IRF8: variants seen among roughly 807,000 people sequenced by gnomAD.
The protein encoded by IRF8 is interferon regulatory factor 8, also known as interferon consensus sequence binding protein 1.
IRF8 carries 14 observed loss-of-function variants against 48.7 expected under a neutral mutation model. That is an observed-to-expected ratio of 0.29 (90% CI 0.19 to 0.45). The LOEUF (loss-of-function observed/expected upper bound fraction) is 0.45, where lower values mean the gene tolerates loss of function less well. IRF8 is among the 20% of genes least tolerant of loss of function. The pLI is 1.00. For missense variants in IRF8, 493 were observed against 580.7 expected (o/e 0.85, Z 1.55); for synonymous variants, 278 against 227.3 (o/e 1.22, Z -2.01).
intron 2 of IRF8, among the ~76,000 whole-genome samples, chr16:85,906,206 G>A (rs1472245171): frequency 6.6e-6 from 1 of 152,164 alleles, no homozygotes; most frequent in Non-Finnish European, 1.5e-5. Context: ...TTAAAAAAAT[G>A]CAACATGAAA....
Position 85,918,465 on chromosome 16 carries a change from G to A in IRF8, c.650G>A (p.Gly217Asp). 6.3e-7 allele frequency: 1 copy of A among 1,590,840 alleles called. No homozygotes were observed. The highest frequency in any genetic ancestry group is 2.2e-5 in the East Asian group (1 of 44,718). ...TTCTACTATGGGGGCAAGCTGGTGG[G>A]CCAGGCCACCACCACCTGCCCCGAG... ...ISFYYGGKLV[G>D]QATTTCPEGC... Residue 217 changes from glycine to aspartate, a missense_variant, in exon 7 of 9, where the codon GGC becomes GAC. Coordinates refer to ENST00000268638, the MANE Select transcript of IRF8 (RefSeq NM_002163.4).
chr16:85,919,560 C>G (rs1412789018), intron 7 of IRF8, among the ~76,000 whole-genome samples: 1 of 152,214 alleles, frequency 6.6e-6, no homozygotes, highest in Non-Finnish European at 1.5e-5. Context: ...GCGGTTATCA[C>G]CCCTGAGCAG....
intron 1 of IRF8, chr16:85,901,071 C>T (rs1367689968): frequency 6.6e-6 from 1 of 152,292 alleles, no homozygotes; most frequent in Admixed American, 6.5e-5. Context: ...ATTTTTCTAC[C>T]TTGCCCCAGG....
chr16:85,900,827 C>G (rs940544001), intron 1 of IRF8: 4 of 152,174 alleles, frequency 2.6e-5, no homozygotes, highest in Non-Finnish European at 5.9e-5. Context: ...TTGTCCTGAA[C>G]AGTTTAGATG....
chr16:85,910,848 G>T (rs1319286097), intron 3 of IRF8, among the ~76,000 whole-genome samples: 4 of 152,232 alleles, frequency 2.6e-5, no homozygotes, highest in African/African-American at 9.6e-5. Context: ...GAAACAGTGG[G>T]TAAATTCTGT....
rs1485061047 is a variant in IRF8, at chr16:85,922,526, A to C, written c.*1244A>C. ...AAAGCACATATCTTTAATATGCTGA[A>C]TGAATATTTATTTTTGTATCCATTA... is the stretch of plus-strand genomic sequence containing the variant. On this transcript the variant is annotated 3_prime_UTR_variant, in exon 9 of 9. Transcript: ENST00000268638. 2 of 152,378 alleles carry C rather than the reference A, an allele frequency of 1.3e-5. No homozygotes were observed. Among genetic ancestry groups the C allele is most frequent in the Non-Finnish European group, 2.9e-5 (2 of 68,038 alleles). 9.4% of individuals were successfully genotyped at this position (152,378 alleles called of 1,614,324 possible). A position where few individuals can be genotyped will look rare whatever the true frequency, so the allele number is the denominator to read the frequency against.
chr16:85,907,016 TAAAC>T (rs1228743120), intron 2 of IRF8, among the ~76,000 whole-genome samples: 2 of 152,106 alleles, frequency 1.3e-5, no homozygotes, highest in Non-Finnish European at 2.9e-5. Context: ...TCTTTAAAAA[TAAAC>T]AACAGCAACA....
At chr16:85,901,882 G>A (rs148995791) in intron 1 of IRF8, among the ~76,000 whole-genome samples, 118 of 151,270 alleles carry the variant, frequency 7.8e-4, no homozygotes, top group Middle Eastern at 3.5e-3. Flanking sequence ...TTTCAAACTC[G>A]TTTGCCCAAA....
Position 85,908,971 on chromosome 16 carries a change from C to T in IRF8, c.175-19C>T, listed in dbSNP as rs1203824403. ...TGGAGTCGGCCATGAATTTAATGTG[C>T]TTCTGTTTCTTTCTTCAGGCCTGGG... On this transcript the variant is annotated intron_variant, in intron 2 of 8. Coordinates refer to ENST00000268638, the MANE Select transcript of IRF8 (RefSeq NM_002163.4). 2 of 1,610,380 alleles carry T rather than the reference C, an allele frequency of 1.2e-6. No individual in the cohort carries two copies. The highest frequency in any genetic ancestry group is 2.7e-5 in the African/African-American group (2 of 74,816).
chr16:85,914,295 A>G, intron 5 of IRF8, 178 bp from the exon 6 acceptor site: 3 of 693,160 alleles, frequency 4.3e-6, no homozygotes, highest in Non-Finnish European at 7.7e-6. Context: ...TTTGTGAAAC[A>G]ATGGCTCTCT....
intron 1 of IRF8, among the ~76,000 whole-genome samples, chr16:85,899,496 A>G (rs969059981): frequency 6.6e-6 from 1 of 152,216 alleles, no homozygotes; most frequent in Non-Finnish European, 1.5e-5. Context: ...AATCTGGTTT[A>G]CATGGAAAAC....
Position 85,903,886 on chromosome 16 carries a change from A to G in IRF8, c.174+697A>G, listed in dbSNP as rs562012601. ...CTTGTTGAGGTCTCACAGCTCTTGT[A>G]TGACGGAGCCAGCATTCAGATGCAA... On this transcript the variant is annotated intron_variant, in intron 2 of 8. Coordinates refer to ENST00000268638, the MANE Select transcript of IRF8 (RefSeq NM_002163.4). Among the ~76,000 whole-genome samples the G allele has an allele frequency of 1.4e-4, 22 of 152,336 alleles. No individual in the cohort carries two copies. The East Asian group carries it at 2.9e-3, about 20-fold the overall frequency.
Position 85,913,122 on chromosome 16 carries a change from A to G in IRF8, c.448-9A>G, listed in dbSNP as rs1202021423. The G allele has an allele frequency of 1.9e-6, 3 of 1,609,718 alleles. No individual in the cohort carries two copies. In the African/African-American group the frequency reaches 4.0e-5, roughly 22 times the overall value. ...GAGCTGCCCTCCTCTCCCTCCCCTG[A>G]CTGTGCAGCCTTCTGTGGACGATTA... On this transcript the variant is annotated splice_polypyrimidine_tract_variant and intron_variant, in intron 4 of 8. Transcript: ENST00000268638.
intron 2 of IRF8, among the ~76,000 whole-genome samples, chr16:85,908,518 G>A (rs1905063348): frequency 6.6e-6 from 1 of 152,194 alleles, no homozygotes; most frequent in Admixed American, 6.5e-5. Context: ...ACAGGGCGAT[G>A]GATGACCATT....
At chr16:85,905,636 A>G (rs1904976503) in intron 2 of IRF8, among the ~76,000 whole-genome samples, 1 of 152,092 alleles carries the variant, frequency 6.6e-6, no homozygotes, top group Non-Finnish European at 1.5e-5. Context: ...TCCCTGAGCT[A>G]TGCTTCTTCC....
intron 6 of IRF8, among the ~76,000 whole-genome samples, chr16:85,915,747 C>T (rs536026374): frequency 9.9e-5 from 15 of 152,176 alleles, no homozygotes; most frequent in Non-Finnish European, 2.1e-4. Context: ...AGTCTGCTGA[C>T]CAGTGCTTTC....
chr16:85,899,413 G>C (rs1406937986), intron 1 of IRF8, among the ~76,000 whole-genome samples, 190 bp downstream of exon 1: 1 of 152,266 alleles, frequency 6.6e-6, no homozygotes, highest in African/African-American at 2.4e-5. Context: ...GAATGCCCAA[G>C]TCGTTGATTG....
At chr16:85,902,558 C>T (rs1904858391) in intron 1 of IRF8, 1 of 249,516 alleles carries the variant, frequency 4.0e-6, no homozygotes, top group African/African-American at 2.2e-5. Flanking sequence ...AGTATTCTAT[C>T]AGGGAATGTG....
intron 2 of IRF8, chr16:85,903,578 G>GCTGATACTT (rs1904896811): frequency 7.2e-6 from 2 of 279,528 alleles, no homozygotes; most frequent in Non-Finnish European, 1.4e-5. Context: ...TTCTTTCAAA[G>GCTGATACTT]CTGATACTTC....
Sources: allele counts gnomAD v4.1 joint callset (sites outside exome capture counted in the v4.1 genomes callset), GRCh38; gene constraint gnomAD v4.1.1; transcripts MANE v1.5; gene names NCBI Gene and HGNC (gene_info 2026-07-23, HGNC 2026-07-21).